MTUS2: variants seen among roughly 807,000 people sequenced by gnomAD.
MTUS2 encodes the protein microtubule associated scaffold protein 2, also known as microtubule-associated tumor suppressor candidate 2.
Under a neutral mutation model 114.1 loss-of-function variants are expected in MTUS2, and 40 were observed. The ratio of observed to expected loss-of-function variants is 0.35; its 90% CI spans 0.27 to 0.46. The LOEUF is 0.46. Ranked by LOEUF, MTUS2 falls within the 20% of genes least tolerant of loss-of-function variation. The probability of loss-of-function intolerance (pLI) is 1.00; values close to 1 mark genes in which losing one functional copy is unlikely to be tolerated. For missense variants in MTUS2, 1,679 were observed against 1,705.4 expected (o/e 0.98, Z 0.27); for synonymous variants, 688 against 672.0 (o/e 1.02, Z -0.37).
intron 7 of MTUS2, among the ~76,000 whole-genome samples, chr13:29,335,883 C>T (rs775787711): frequency 6.6e-6 from 1 of 152,110 alleles, no homozygotes; most frequent in Non-Finnish European, 1.5e-5. Flanking sequence ...TTTGTTCATT[C>T]CTTTTCATTC....
intron 7 of MTUS2, among the ~76,000 whole-genome samples, chr13:29,328,494 C>T (rs9578080): frequency 0.19 from 28,531 of 152,088 alleles, 2,764 homozygotes; most frequent in Middle Eastern, 0.22. Context: ...CTTTAGTTGA[C>T]GGTTGGGATA....
At chr13:29,043,905 A>G (rs1887492510) in intron 4 of MTUS2, among the ~76,000 whole-genome samples, 2 of 151,976 alleles carry the variant, frequency 1.3e-5, no homozygotes, top group Admixed American at 1.3e-4. Flanking sequence ...CTCTCCTGGC[A>G]TTTGTGCTAT....
intron 2 of MTUS2, among the ~76,000 whole-genome samples, chr13:28,998,008 T>A (rs1479154324): frequency 6.6e-6 from 1 of 152,236 alleles, no homozygotes; most frequent in Non-Finnish European, 1.5e-5. Context: ...CAATTTGGCA[T>A]GTTTTTGCAG....
At chr13:29,050,060 T>C (rs578068254) in intron 4 of MTUS2, among the ~76,000 whole-genome samples, 6 of 152,212 alleles carry the variant, frequency 3.9e-5, no homozygotes, top group African/African-American at 1.4e-4. Flanking sequence ...AGAACTGCCC[T>C]CTGAGAAGAT....
At chr13:29,082,975 C>T (rs890180836) in intron 4 of MTUS2, among the ~76,000 whole-genome samples, 11 of 151,864 alleles carry the variant, frequency 7.2e-5, no homozygotes, top group African/African-American at 2.2e-4. Context: ...ATTCTAGAGG[C>T]GGTTGTTGGA....
chr13:28,842,277 C>A (rs1220104471), intron 2 of MTUS2, among the ~76,000 whole-genome samples: 1 of 152,010 alleles, frequency 6.6e-6, no homozygotes, highest in African/African-American at 2.4e-5. Context: ...AGACTTAGAT[C>A]AGTTAATTCC....
At chr13:28,872,420 G>A (rs190170595) in intron 2 of MTUS2, among the ~76,000 whole-genome samples, 2 of 152,290 alleles carry the variant, frequency 1.3e-5, no homozygotes, top group East Asian at 1.9e-4. Flanking sequence ...ACTGAGATCC[G>A]TATTAGGTGT....
chr13:29,102,375 T>A (rs1890458625), intron 5 of MTUS2, among the ~76,000 whole-genome samples: 1 of 152,164 alleles, frequency 6.6e-6, no homozygotes, highest in South Asian at 2.1e-4. Context: ...TTAAAAAAAA[T>A]TAACCTCAAG....
intron 5 of MTUS2, among the ~76,000 whole-genome samples, chr13:29,233,658 C>A (rs1272454267): frequency 6.6e-6 from 1 of 152,164 alleles, no homozygotes; most frequent in Non-Finnish European, 1.5e-5. Flanking sequence ...TTGTGGTGAT[C>A]CAATCTCAGC....
chr13:28,947,627 T>C (rs1181631830), intron 2 of MTUS2, among the ~76,000 whole-genome samples: 11 of 152,178 alleles, frequency 7.2e-5, no homozygotes, highest in African/African-American at 2.7e-4. Flanking sequence ...TTCGTAATTA[T>C]AGGTATTGAC....
chr13:29,160,693 C>A (rs1033433915), intron 5 of MTUS2, among the ~76,000 whole-genome samples: 2 of 151,930 alleles, frequency 1.3e-5, no homozygotes, highest in Non-Finnish European at 2.9e-5. Context: ...TGGTGTGAAC[C>A]CAGGAGGCAG....
intron 9 of MTUS2, among the ~76,000 whole-genome samples, chr13:29,449,633 T>C (rs2138729200): frequency 6.6e-6 from 1 of 152,050 alleles, no homozygotes; most frequent in African/African-American, 2.4e-5. Flanking sequence ...TATCTAAGTA[T>C]CTATAGCATT....
intron 15 of MTUS2, among the ~76,000 whole-genome samples, chr13:29,502,757 C>G (rs1230620033): frequency 6.6e-6 from 1 of 152,236 alleles, no homozygotes; most frequent in Non-Finnish European, 1.5e-5. Flanking sequence ...CTCCCCTGAC[C>G]GGGCAGAGGG....
rs201118258 is a variant in MTUS2, at chr13:29,359,400, C to T, written c.3044C>T (p.Ala1015Val). The change falls in exon 8 of 16, where the codon GCG becomes GTG. Residue 1015 changes from alanine to valine, a missense_variant. By Grantham distance (64) the Ala-to-Val change is moderately conservative. Around this residue, in one of 3 missense-constraint regions of MTUS2, gnomAD observed 822 missense variants for 899.7 expected, o/e 0.91. Coordinates refer to ENST00000612955, the MANE Select transcript of MTUS2 (RefSeq NM_001033602.4). ...CEQQTRQLGV[A>V]QGELKRAICG... ...CAGCAGACCAGACAGCTGGGCGTTG[C>T]GCAAGGGGAGCTGAAGAGGGCCATC... The T allele has an allele frequency of 3.1e-5, 50 of 1,613,506 alleles. No homozygotes were observed. The African/African-American group carries it at 4.9e-4, about 16-fold the overall frequency.
chr13:29,319,893 G>A lies in MTUS2; in HGVS notation c.2807-4720G>A, dbSNP rs567126226. On this transcript the variant is annotated intron_variant, in intron 6 of 15. Transcript: ENST00000612955. ...GAAAAACTTCATAAATAAGTGTCAG[G>A]GACTCCAGGGACTAATAGAGACCAA... 2.6e-5 allele frequency among the ~76,000 whole-genome samples: 4 copies of A among 152,244 alleles called. No individual in the cohort carries two copies. In the East Asian group the frequency reaches 7.7e-4, roughly 29 times the overall value.
At chr13:29,153,948 G>A (rs779805314) in intron 5 of MTUS2, among the ~76,000 whole-genome samples, 3 of 152,158 alleles carry the variant, frequency 2.0e-5, no homozygotes, top group African/African-American at 4.8e-5. Context: ...TTTGAGAGTC[G>A]AAAGGGTATT....
At chr13:28,924,617 G>T (rs553149915) in intron 2 of MTUS2, among the ~76,000 whole-genome samples, 110 of 152,286 alleles carry the variant, frequency 7.2e-4, no homozygotes, top group Admixed American at 6.5e-4. Context: ...CCTCTGTGTG[G>T]ATGATGCACA....
At chr13:28,903,533 G>C (rs1049885977) in intron 2 of MTUS2, among the ~76,000 whole-genome samples, 2 of 150,830 alleles carry the variant, frequency 1.3e-5, no homozygotes, top group East Asian at 2.0e-4. Context: ...TTGTGCTTGG[G>C]ATAGTTTGCT....
At chr13:29,358,507 G>C (rs548263340) in intron 7 of MTUS2, among the ~76,000 whole-genome samples, 1 of 152,300 alleles carries the variant, frequency 6.6e-6, no homozygotes, top group South Asian at 2.1e-4. Flanking sequence ...CCTATTCATC[G>C]TGAGAGAAAG....
Sources: allele counts gnomAD v4.1 joint callset (sites outside exome capture counted in the v4.1 genomes callset), GRCh38; gene constraint gnomAD v4.1.1; regional missense constraint gnomAD v4.1.1; transcripts MANE v1.5; gene names NCBI Gene and HGNC (gene_info 2026-07-23, HGNC 2026-07-21).